The following MARCHF11 variants were observed in gnomAD, a reference collection of about 807,000 sequenced individuals.
The protein encoded by MARCHF11 is E3 ubiquitin-protein ligase MARCHF11.
MARCHF11 carries 29 observed loss-of-function variants against 37.3 expected under a neutral mutation model. The ratio of observed to expected loss-of-function variants is 0.78; its 90% CI spans 0.58 to 1.06. MARCHF11 has a LOEUF of 1.06. Ranked by LOEUF, MARCHF11 falls within the 50% of genes least tolerant of loss-of-function variation. The pLI is 0.00. For synonymous variants in MARCHF11, 233 were observed against 228.0 expected, an observed-to-expected ratio of 1.02 and a Z score of -0.20; for missense variants, 482 against 533.4, an observed-to-expected ratio of 0.90 and a Z score of 0.95.
At chr5:16,123,575 C>T (rs1737348356) in intron 2 of MARCHF11, among the ~76,000 whole-genome samples, 1 of 152,166 alleles carries the variant, frequency 6.6e-6, no homozygotes, top group Non-Finnish European at 1.5e-5. Flanking sequence ...GTGGCCTTGT[C>T]ACTGAACTCT....
At chr5:16,174,759 G>A (rs1238585333) in intron 2 of MARCHF11, among the ~76,000 whole-genome samples, 1 of 152,162 alleles carries the variant, frequency 6.6e-6, no homozygotes, top group Non-Finnish European at 1.5e-5. Flanking sequence ...GACTTTATGA[G>A]GACCAAATGC....
intron 2 of MARCHF11, among the ~76,000 whole-genome samples, chr5:16,096,570 C>T (rs778483314): frequency 6.6e-5 from 10 of 152,156 alleles, no homozygotes; most frequent in African/African-American, 2.2e-4. Flanking sequence ...AAAAGCACTC[C>T]AATAATTTCC....
At chr5:16,081,811 A>C (rs1736614397) in intron 3 of MARCHF11, among the ~76,000 whole-genome samples, 1 of 152,222 alleles carries the variant, frequency 6.6e-6, no homozygotes, top group Non-Finnish European at 1.5e-5. Context: ...ATAAGAGCAA[A>C]GTGTTAGGTT....
chr5:16,128,446 ATCAAC>A (rs1737456773), intron 2 of MARCHF11, among the ~76,000 whole-genome samples: 1 of 152,188 alleles, frequency 6.6e-6, no homozygotes, highest in African/African-American at 2.4e-5. Context: ...CTGAGGAGCT[ATCAAC>A]TGCCAAGGTA....
intron 2 of MARCHF11, among the ~76,000 whole-genome samples, chr5:16,093,184 G>A (rs1225058071): frequency 6.6e-6 from 1 of 152,118 alleles, no homozygotes; most frequent in African/African-American, 2.4e-5. Context: ...CCGCATGTTC[G>A]AAATGTGTAT....
chr5:16,149,171 C>G (rs1311370912), intron 2 of MARCHF11, among the ~76,000 whole-genome samples: 1 of 152,100 alleles, frequency 6.6e-6, no homozygotes, highest in Admixed American at 6.6e-5. Context: ...CCCAGTGTGG[C>G]ACTACTCCCC....
At chr5:16,104,914 AACACACACACAC>A (rs35858618) in intron 2 of MARCHF11, among the ~76,000 whole-genome samples, 1 of 149,656 alleles carries the variant, frequency 6.7e-6, no homozygotes, top group East Asian at 2.0e-4. Context: ...GACTAAAGGA[AACACACACACAC>A]ACACACACAC....
At chr5:16,114,092 GTTCC>G (rs1723280988) in intron 2 of MARCHF11, among the ~76,000 whole-genome samples, 1 of 152,108 alleles carries the variant, frequency 6.6e-6, no homozygotes, top group Non-Finnish European at 1.5e-5. Flanking sequence ...ATAACCTTCA[GTTCC>G]TTCCATGTTG....
chr5:16,080,286 C>T (rs969216057), intron 3 of MARCHF11, among the ~76,000 whole-genome samples: 3 of 152,178 alleles, frequency 2.0e-5, no homozygotes, highest in Non-Finnish European at 4.4e-5. Context: ...CTTGCTCCTC[C>T]TCCTAGAAGT....
intron 2 of MARCHF11, among the ~76,000 whole-genome samples, chr5:16,108,872 T>C (rs919195752): frequency 6.6e-6 from 1 of 152,090 alleles, no homozygotes; most frequent in Non-Finnish European, 1.5e-5. Flanking sequence ...AGACAACATT[T>C]GTAAAGTGCA....
At chr5:16,115,811 G>A (rs1473187888) in intron 2 of MARCHF11, among the ~76,000 whole-genome samples, 1 of 152,074 alleles carries the variant, frequency 6.6e-6, no homozygotes, top group Non-Finnish European at 1.5e-5. Flanking sequence ...ATTTTCAGTA[G>A]AGATGGGGTT....
intron 2 of MARCHF11, among the ~76,000 whole-genome samples, chr5:16,131,349 T>C (rs1737511073): frequency 6.6e-6 from 1 of 152,228 alleles, no homozygotes; most frequent in Admixed American, 6.5e-5. Flanking sequence ...TAGTTTGTTA[T>C]CTGTAATTTT....
intron 3 of MARCHF11, among the ~76,000 whole-genome samples, chr5:16,073,921 T>C (rs981962588): frequency 6.6e-6 from 1 of 152,182 alleles, no homozygotes; most frequent in Admixed American, 6.6e-5. Context: ...TTCCAGAACA[T>C]TCTACCCAAC....
intron 2 of MARCHF11, among the ~76,000 whole-genome samples, chr5:16,166,990 CG>C: frequency 6.8e-6 from 1 of 146,526 alleles, no homozygotes. Context: ...GAACATACAA[CG>C]ATGTTCATTT....
intron 3 of MARCHF11, among the ~76,000 whole-genome samples, chr5:16,084,858 A>G (rs572976958): frequency 1.3e-5 from 2 of 151,990 alleles, no homozygotes; most frequent in Non-Finnish European, 2.9e-5. Flanking sequence ...AAATTCCCTA[A>G]TCTCTGTAGC....
intron 3 of MARCHF11, among the ~76,000 whole-genome samples, chr5:16,088,143 T>A (rs1460954020): frequency 6.6e-6 from 1 of 152,172 alleles, no homozygotes; most frequent in Non-Finnish European, 1.5e-5. Context: ...TCTGTTCATC[T>A]GCTTGGCTAT....
intron 2 of MARCHF11, among the ~76,000 whole-genome samples, chr5:16,109,141 C>CACA (rs1553995420): frequency 6.6e-6 from 1 of 151,114 alleles, no homozygotes; most frequent in African/African-American, 2.4e-5. Context: ...CACACACACA[C>CACA]GTTTGGTCTT....
intron 2 of MARCHF11, among the ~76,000 whole-genome samples, chr5:16,126,563 AAAG>A (rs568800382): frequency 3.1e-4 from 47 of 152,374 alleles, no homozygotes; most frequent in South Asian, 1.2e-3. Flanking sequence ...GACATTTTAT[AAAG>A]AAGAACTGAC....
chr5:16,070,511 G>C (rs1550824), intron 3 of MARCHF11, among the ~76,000 whole-genome samples: 45,853 of 152,098 alleles, frequency 0.3, 8,322 homozygotes, highest in East Asian at 0.64. Flanking sequence ...GAGGGTGCAG[G>C]GGCACAGCTT....
Sources: allele counts gnomAD v4.1 joint callset (sites outside exome capture counted in the v4.1 genomes callset), GRCh38; gene constraint gnomAD v4.1.1; transcripts MANE v1.5; gene names NCBI Gene and HGNC (gene_info 2026-07-23, HGNC 2026-07-21).